The following PSPC1 variants were observed in gnomAD, a reference collection of about 807,000 sequenced individuals.
The protein encoded by PSPC1 is paraspeckle protein 1.
In PSPC1, 14 loss-of-function variants were observed where a neutral mutation model predicts 51.6. The ratio of observed to expected loss-of-function variants is 0.27; its 90% CI spans 0.18 to 0.42. The LOEUF (loss-of-function observed/expected upper bound fraction) is 0.42, where lower values mean the gene tolerates loss of function less well. PSPC1 is among the 10% of genes least tolerant of loss of function. The probability of loss-of-function intolerance (pLI) is 1.00; values close to 1 mark genes in which losing one functional copy is unlikely to be tolerated. For missense variants in PSPC1, 406 were observed against 701.1 expected (o/e 0.58, Z 4.75); for synonymous variants, 193 against 231.9 (o/e 0.83, Z 1.53).
At position 19,735,040 on chromosome 13, in the gene PSPC1, G is replaced by A. The variant is rs182731360; in HGVS notation, c.1053-4696C>T. Among the ~76,000 whole-genome samples, 701 of 151,820 alleles carry A rather than the reference G, an allele frequency of 4.6e-3. 5 individuals carry two copies. The highest frequency in any genetic ancestry group is 0.027 in the South Asian group (129 of 4,790). On this transcript the variant is annotated intron_variant, in intron 5 of 8. Transcript: ENST00000338910. ...AAAGGAAGGAAGTGGGGCCGGGTGC[G>A]GTGGCTCATGCTTGTAATCCCAGCG...
intron 2 of PSPC1, among the ~76,000 whole-genome samples, chr13:19,770,034 T>C (rs1259312776): frequency 8.4e-6 from 1 of 118,728 alleles, no homozygotes; most frequent in Non-Finnish European, 1.9e-5. Context: ...CAAATATCCA[T>C]CCATATGTCA....
chr13:19,711,639 TAAAAAAA>T (rs143917566), intron 6 of PSPC1, among the ~76,000 whole-genome samples: 2 of 80,944 alleles, frequency 2.5e-5, no homozygotes, highest in Non-Finnish European at 4.4e-5. Context: ...CTCCGTCTCA[TAAAAAAA>T]AAAAAAAAAA....
downstream of PSPC1, chr13:19,673,094 T>C (rs1340981031): frequency 2.8e-6 from 1 of 357,024 alleles, no homozygotes; most frequent in Non-Finnish European, 5.5e-6. Context: ...TACGGTTTTT[T>C]TTTGTTTTTT....
At chr13:19,752,710 C>T (rs1886685426) in intron 3 of PSPC1, among the ~76,000 whole-genome samples, 1 of 152,186 alleles carries the variant, frequency 6.6e-6, no homozygotes, top group Non-Finnish European at 1.5e-5. Flanking sequence ...CTCAGCTTCC[C>T]GAGTAGCTCG....
chr13:19,698,607 T>C (rs1238604153), downstream of PSPC1, among the ~76,000 whole-genome samples: 1 of 151,886 alleles, frequency 6.6e-6, no homozygotes, highest in African/African-American at 2.4e-5. Context: ...TGATTTATAT[T>C]CCACAAGACA....
At chr13:19,718,484 A>G (rs1243247149) in intron 6 of PSPC1, among the ~76,000 whole-genome samples, 1 of 152,220 alleles carries the variant, frequency 6.6e-6, no homozygotes, top group Non-Finnish European at 1.5e-5. Context: ...ACAAAAACAA[A>G]TGCTGGCCAA....
intron 3 of PSPC1, among the ~76,000 whole-genome samples, chr13:19,758,760 G>C (rs1278996686): frequency 6.6e-6 from 1 of 151,828 alleles, no homozygotes; most frequent in Admixed American, 6.6e-5. Context: ...GCTTGAACCT[G>C]GGAGGTGGAG....
chr13:19,673,236 T>C, downstream of PSPC1: 1 of 419,506 alleles, frequency 2.4e-6, no homozygotes, highest in South Asian at 1.7e-5. Context: ...CCTGCTTCTG[T>C]ATGGCAAGCA....
rs778916224 is a variant in PSPC1, at chr13:19,709,541, C to T, written c.1216+1G>A. 6.2e-7 allele frequency: 1 copy of T among 1,610,888 alleles called. No individual in the cohort carries two copies. Among genetic ancestry groups the T allele is most frequent in the Admixed American group, 1.7e-5 (1 of 59,144 alleles). Reference sequence around the variant, plus strand: ...AAAAGCCTTTTGCTTCAAATCCCTACCTCCCATGTTTATTGCTCCACGGGG... The same window carrying T: ...AAAAGCCTTTTGCTTCAAATCCCTATCTCCCATGTTTATTGCTCCACGGGG... On this transcript the variant is annotated splice_donor_variant, in intron 7 of 8. Transcript: ENST00000338910. LOFTEE classifies it high-confidence loss of function.
chr13:19,677,435 T>C (rs1448824153), intron 7 of PSPC1, among the ~76,000 whole-genome samples: 2 of 152,118 alleles, frequency 1.3e-5, no homozygotes, highest in Non-Finnish European at 2.9e-5. Flanking sequence ...CAAATTAATA[T>C]ACGCATTACA....
intron 6 of PSPC1, among the ~76,000 whole-genome samples, chr13:19,715,684 AG>A (rs1328427901): frequency 6.6e-6 from 1 of 152,182 alleles, no homozygotes; most frequent in South Asian, 2.1e-4. Flanking sequence ...GCTCGAGCCC[AG>A]GAATTCAAGA....
chr13:19,687,031 T>G (rs924790881), intron 6 of PSPC1, among the ~76,000 whole-genome samples: 3 of 152,024 alleles, frequency 2.0e-5, no homozygotes, highest in African/African-American at 4.8e-5. Context: ...ACCCCATCTC[T>G]ACTAAAAATA....
intron 6 of PSPC1, among the ~76,000 whole-genome samples, chr13:19,683,681 G>C (rs1046192461): frequency 6.6e-6 from 1 of 152,068 alleles, no homozygotes; most frequent in Admixed American, 6.6e-5. Flanking sequence ...GCAACTCAAC[G>C]TTGAGAAATA....
intron 4 of PSPC1, among the ~76,000 whole-genome samples, chr13:19,750,486 A>G (rs1886432993): frequency 6.6e-6 from 1 of 151,638 alleles, no homozygotes; most frequent in South Asian, 2.1e-4. Context: ...ACACTTACCA[A>G]TTACTAACTT....
chr13:19,694,649 T>C (rs957675987), intron 6 of PSPC1, among the ~76,000 whole-genome samples: 2 of 152,212 alleles, frequency 1.3e-5, no homozygotes, highest in Non-Finnish European at 2.9e-5. Flanking sequence ...ATGCTTAATA[T>C]TCTATCAATA....
At chr13:19,687,624 G>GT (rs1419402854) in intron 6 of PSPC1, among the ~76,000 whole-genome samples, 1 of 151,408 alleles carries the variant, frequency 6.6e-6, no homozygotes, top group Non-Finnish European at 1.5e-5. Context: ...CTATCATTTG[G>GT]TTTTTTAAAA....
chr13:19,689,941 GA>G, intron 6 of PSPC1, among the ~76,000 whole-genome samples: 1 of 152,200 alleles, frequency 6.6e-6, no homozygotes, highest in Middle Eastern at 3.4e-3. Context: ...CATGATAAAA[GA>G]AGCAAGCAAC....
At chr13:19,752,411 T>A (rs1242314238) in intron 3 of PSPC1, among the ~76,000 whole-genome samples, 2 of 152,198 alleles carry the variant, frequency 1.3e-5, no homozygotes, top group East Asian at 1.9e-4. Context: ...GTCTTCATTT[T>A]TTTCATATAT....
At chr13:19,733,719 T>G (rs1464858621) in intron 5 of PSPC1, among the ~76,000 whole-genome samples, 2 of 151,172 alleles carry the variant, frequency 1.3e-5, no homozygotes, top group Admixed American at 6.6e-5. Context: ...GCTGAGATCA[T>G]GCCACTGCAC....
Sources: gnomAD v4.1 joint callset for allele counts (sites outside exome capture counted in the v4.1 genomes callset) on GRCh38, gnomAD v4.1.1 for gene constraint, MANE v1.5 for transcripts, NCBI Gene and HGNC (gene_info 2026-07-23, HGNC 2026-07-21) for gene names.